Variants in MTCL1 observed in about 807,000 individuals in gnomAD.
The protein encoded by MTCL1 is microtubule cross-linking factor 1.
MTCL1 carries 79 observed loss-of-function variants against 141.4 expected under a neutral mutation model. The observed-to-expected ratio is 0.56, with a 90% CI of 0.47 to 0.67. The LOEUF is 0.67. MTCL1 is among the 30% of genes least tolerant of loss of function. The pLI is 0.00. For synonymous variants in MTCL1, 914 were observed against 875.8 expected, an observed-to-expected ratio of 1.04 and a Z score of -0.77; for missense variants, 2,177 against 2,113.9, an observed-to-expected ratio of 1.03 and a Z score of -0.59.
At chr18:8,753,463 A>AGCAG (rs1436213197) in intron 4 of MTCL1, among the ~76,000 whole-genome samples, 1 of 152,222 alleles carries the variant, frequency 6.6e-6, no homozygotes, top group African/African-American at 2.4e-5. Flanking sequence ...CTCAGGGCAC[A>AGCAG]GCAGGCAGCA....
At chr18:8,724,001 G>A (rs868844990) in intron 4 of MTCL1, among the ~76,000 whole-genome samples, 3 of 152,150 alleles carry the variant, frequency 2.0e-5, no homozygotes, top group African/African-American at 4.8e-5. Context: ...GGGGAGAAGC[G>A]GGACCAACTG....
intron 4 of MTCL1, among the ~76,000 whole-genome samples, chr18:8,755,524 TCTC>T (rs920553075): frequency 3.9e-5 from 6 of 152,050 alleles, no homozygotes; most frequent in African/African-American, 1.4e-4. Context: ...CTCACACGCT[TCTC>T]CTCACTCTCC....
intron 4 of MTCL1, among the ~76,000 whole-genome samples, chr18:8,767,683 A>G (rs937725731): frequency 2.0e-5 from 3 of 152,042 alleles, no homozygotes; most frequent in Middle Eastern, 3.2e-3. Flanking sequence ...CAGAGGTTTA[A>G]TGGAGGTGTG....
At chr18:8,786,490 T>A in intron 7 of MTCL1, 1 of 390,242 alleles carries the variant, frequency 2.6e-6, no homozygotes, top group Non-Finnish European at 5.1e-6. Flanking sequence ...CCTTTTCAGC[T>A]CTTTGTTGCC....
At chr18:8,811,532 C>A (rs633210) in intron 11 of MTCL1, among the ~76,000 whole-genome samples, 1 of 141,118 alleles carries the variant, frequency 7.1e-6, no homozygotes, top group East Asian at 2.1e-4. Context: ...TATATATATA[C>A]ATATATATAT....
Position 8,821,514 on chromosome 18 carries a change from G to T in MTCL1, c.3188+16G>T. 1 of 1,280,512 alleles carries T rather than the reference G, an allele frequency of 7.8e-7. No individual in the cohort carries two copies. Among genetic ancestry groups the T allele is most frequent in the South Asian group, 1.3e-5 (1 of 77,030 alleles). 79.3% of individuals were successfully genotyped at this position (1,280,512 alleles called of 1,614,324 possible). ...ATCTTCAAAGGTAAGTAAGATTGATGAAAATAATAGATTACTAGAATAAAA... is the reference window on the plus strand; with the variant it reads ...ATCTTCAAAGGTAAGTAAGATTGATTAAAATAATAGATTACTAGAATAAAA... On this transcript the variant is annotated intron_variant, in intron 14 of 16. Coordinates refer to ENST00000359865, the Ensembl canonical transcript of MTCL1.
chr18:8,744,406 CCTT>C (rs2096323779), intron 4 of MTCL1, among the ~76,000 whole-genome samples: 1 of 152,148 alleles, frequency 6.6e-6, no homozygotes, highest in African/African-American at 2.4e-5. Flanking sequence ...CTTCTGACTT[CCTT>C]CTTTAAGGGA....
chr18:8,731,848 A>G (rs2096252248), intron 4 of MTCL1, among the ~76,000 whole-genome samples: 1 of 151,952 alleles, frequency 6.6e-6, no homozygotes, highest in South Asian at 2.1e-4. Context: ...AGCTGGGATT[A>G]CAGGTGTGCA....
At chr18:8,788,135 C>T (rs4798688) in intron 7 of MTCL1, among the ~76,000 whole-genome samples, 19,999 of 152,170 alleles carry the variant, frequency 0.13, 1,580 homozygotes, top group Middle Eastern at 0.27. Flanking sequence ...CCCAGCAGCC[C>T]GGCCAGAGAC....
chr18:8,798,235 A>T (rs1374618829), exon 10 of MTCL1: 2 of 1,588,944 alleles, frequency 1.3e-6, no homozygotes, highest in Non-Finnish European at 1.7e-6. Context: ...CCGGGTGCAG[A>T]TTGGAGATCA....
intron 8 of MTCL1, among the ~76,000 whole-genome samples, chr18:8,795,817 C>T (rs2075896873): frequency 6.6e-6 from 1 of 152,118 alleles, no homozygotes. Flanking sequence ...GAAGGATTTC[C>T]ACTTGTTTTC....
upstream of MTCL1, among the ~76,000 whole-genome samples, chr18:8,713,125 C>A (rs1486255939): frequency 2.0e-5 from 3 of 152,100 alleles, no homozygotes; most frequent in Admixed American, 2.0e-4. Flanking sequence ...CCTCATTATT[C>A]CTCTAATTTG....
chr18:8,796,603 A>G (rs2075930280), intron 9 of MTCL1, 141 bp downstream of exon 8: 3 of 853,592 alleles, frequency 3.5e-6, no homozygotes, highest in African/African-American at 1.7e-5. Flanking sequence ...ATATTGCAAA[A>G]AAGATGTAGA....
intron 7 of MTCL1, 38 bp from the exon 7 acceptor site, chr18:8,792,960 C>CT (rs1568047973): frequency 1.2e-6 from 2 of 1,609,898 alleles, no homozygotes; most frequent in South Asian, 2.2e-5. Flanking sequence ...GCAGAGTTCT[C>CT]ATTTCCACTA....
chr18:8,819,174 ACCTGGATGCCTTGTC>A, exon 13 of MTCL1: 1 of 1,614,154 alleles, frequency 6.2e-7, no homozygotes. Flanking sequence ...GAGAATCTCT[ACCTGGATGCCTTGTC>A]CCTGGATGAC....
At chr18:8,756,092 G>A (rs1269670647) in intron 4 of MTCL1, among the ~76,000 whole-genome samples, 5 of 152,282 alleles carry the variant, frequency 3.3e-5, no homozygotes, top group East Asian at 1.9e-4. Context: ...GGCCAAGATC[G>A]CACCACTGCA....
chr18:8,806,882 T>G lies in MTCL1; in HGVS notation c.2437-11T>G. On this transcript the variant is annotated splice_polypyrimidine_tract_variant and intron_variant, in intron 10 of 16. Coordinates refer to ENST00000359865, the Ensembl canonical transcript of MTCL1. Reference sequence around the variant, plus strand: ...AAGGAGGTGGTGGAGCCTGACTCAGTGTTCCCGCAGGTGGTGGAAAACCAG... The same window carrying G: ...AAGGAGGTGGTGGAGCCTGACTCAGGGTTCCCGCAGGTGGTGGAAAACCAG... The G allele has an allele frequency of 6.2e-7, 1 of 1,611,414 alleles. No homozygotes were observed. The highest frequency in any genetic ancestry group is 8.5e-7 in the Non-Finnish European group (1 of 1,178,950).
chr18:8,824,511 G>T (rs16954333), intron 14 of MTCL1, among the ~76,000 whole-genome samples, 188 bp from the exon 14 acceptor site: 1 of 152,114 alleles, frequency 6.6e-6, no homozygotes, highest in Admixed American at 6.5e-5. Flanking sequence ...CCAGAGCCAC[G>T]CAGAGTCCAA....
intron 8 of MTCL1, among the ~76,000 whole-genome samples, chr18:8,794,987 A>C (rs1333977805): frequency 6.6e-6 from 1 of 152,226 alleles, no homozygotes; most frequent in Non-Finnish European, 1.5e-5. Flanking sequence ...AGGAAATTGC[A>C]GATGCTGGGT....
Sources: allele counts gnomAD v4.1 joint callset (sites outside exome capture counted in the v4.1 genomes callset), GRCh38; gene constraint gnomAD v4.1.1; transcripts MANE v1.5; gene names NCBI Gene and HGNC (gene_info 2026-07-23, HGNC 2026-07-21).